LRMDA: variants seen among roughly 807,000 people sequenced by gnomAD.
LRMDA encodes leucine rich melanocyte differentiation associated, also known as leucine-rich melanocyte differentiation-associated protein.
LRMDA carries 18 observed loss-of-function variants against 29.8 expected under a neutral mutation model. The ratio of observed to expected loss-of-function variants is 0.60; its 90% CI spans 0.42 to 0.90. The LOEUF is 0.90. Ranked by LOEUF, LRMDA falls within the 40% of genes least tolerant of loss-of-function variation. The pLI, the probability that LRMDA is intolerant of heterozygous loss-of-function variation, is 0.00. For synonymous variants in LRMDA, 125 were observed against 109.4 expected (o/e 1.14, Z -0.89); for missense variants, 273 against 273.9 (o/e 1.00, Z 0.02).
chr10:76,083,286 C>A (rs1849076899), intron 5 of LRMDA, among the ~76,000 whole-genome samples: 1 of 152,138 alleles, frequency 6.6e-6, no homozygotes, highest in Admixed American at 6.5e-5. Flanking sequence ...ATCCCAGGAC[C>A]AGTCAAGACA....
chr10:75,608,110 G>GTATATATATATATATATATA (rs10605160), intron 2 of LRMDA, among the ~76,000 whole-genome samples: 3 of 101,336 alleles, frequency 3.0e-5, no homozygotes, highest in East Asian at 3.0e-4. Flanking sequence ...TGTAGTGTGT[G>GTATATATATATATATATATA]TATATATATA....
chr10:76,224,648 A>G (rs1343019187), intron 5 of LRMDA, among the ~76,000 whole-genome samples: 1 of 151,222 alleles, frequency 6.6e-6, no homozygotes, highest in East Asian at 2.0e-4. Context: ...AGAGCAATAA[A>G]ATAATAATGT....
At chr10:76,438,391 T>C (rs1394244091) in intron 6 of LRMDA, 1 of 152,238 alleles carries the variant, frequency 6.6e-6, no homozygotes, top group African/African-American at 2.4e-5. Context: ...GACAGAATTA[T>C]TTTTCATTTC....
intron 2 of LRMDA, among the ~76,000 whole-genome samples, chr10:75,568,655 G>C (rs1840401459): frequency 6.6e-6 from 1 of 152,172 alleles, no homozygotes; most frequent in Non-Finnish European, 1.5e-5. Flanking sequence ...GGGAGAAGTA[G>C]GATGAAAGGT....
chr10:75,716,891 A>C (rs1014289085), intron 2 of LRMDA, among the ~76,000 whole-genome samples: 9 of 152,162 alleles, frequency 5.9e-5, no homozygotes, highest in South Asian at 2.1e-4. Flanking sequence ...TGATATGAAA[A>C]ATGAGGGAGC....
At chr10:76,543,336 G>T (rs1337762955) in intron 6 of LRMDA, among the ~76,000 whole-genome samples, 25 of 133,578 alleles carry the variant, frequency 1.9e-4, no homozygotes, top group African/African-American at 7.4e-4. Context: ...GTGTGTGTGT[G>T]TGTGTGTGTG....
At chr10:76,471,135 A>C (rs1392360187) in intron 6 of LRMDA, among the ~76,000 whole-genome samples, 1 of 151,844 alleles carries the variant, frequency 6.6e-6, no homozygotes, top group Admixed American at 6.6e-5. Flanking sequence ...AAATGAAAAG[A>C]ATCAGAAATG....
chr10:75,844,327 G>A (rs762641252), intron 2 of LRMDA, among the ~76,000 whole-genome samples: 1 of 152,092 alleles, frequency 6.6e-6, no homozygotes. Flanking sequence ...GAGGACAGGC[G>A]AGAACTATTA....
chr10:75,669,976 G>A lies in LRMDA; in HGVS notation c.131+231482G>A, dbSNP rs1030973515. Among the ~76,000 whole-genome samples, 5 of 152,138 alleles carry A rather than the reference G, an allele frequency of 3.3e-5. No homozygotes were observed. In the East Asian group the frequency reaches 9.6e-4, roughly 29 times the overall value. On this transcript the variant is annotated intron_variant, in intron 2 of 6. Coordinates refer to ENST00000611255, the MANE Select transcript of LRMDA (RefSeq NM_001305581.2). ...CCCTTTTTTATAGCAACATAAAATA[G>A]AGCCAAAATTACATTCATTATTTTT...
chr10:76,529,477 C>T (rs1843211888), intron 6 of LRMDA, among the ~76,000 whole-genome samples: 1 of 152,084 alleles, frequency 6.6e-6, no homozygotes, highest in East Asian at 1.9e-4. Flanking sequence ...GAAATTTGCA[C>T]CCAAGTTATC....
intron 6 of LRMDA, among the ~76,000 whole-genome samples, chr10:76,505,349 C>A (rs953807215): frequency 6.6e-6 from 1 of 151,852 alleles, no homozygotes. Context: ...TGCATGCCAG[C>A]CTGTCTAGCA....
intron 2 of LRMDA, among the ~76,000 whole-genome samples, chr10:75,815,992 A>T (rs1258617868): frequency 1.3e-5 from 2 of 152,204 alleles, no homozygotes; most frequent in Non-Finnish European, 2.9e-5. Context: ...GAACCTAGGC[A>T]GTCTGGTAAA....
intron 5 of LRMDA, among the ~76,000 whole-genome samples, chr10:76,134,205 G>A (rs548892665): frequency 7.0e-4 from 107 of 152,356 alleles, no homozygotes; most frequent in African/African-American, 2.4e-3. Context: ...GTTTCTGAGA[G>A]AATTTCGGGG....
chr10:75,509,557 T>G (rs1845204455), intron 2 of LRMDA, among the ~76,000 whole-genome samples: 1 of 152,188 alleles, frequency 6.6e-6, no homozygotes, highest in South Asian at 2.1e-4. Flanking sequence ...TTTGCTGTAT[T>G]TCTTCCAGGC....
At chr10:75,939,567 G>C (rs1304450342) in intron 2 of LRMDA, among the ~76,000 whole-genome samples, 1 of 152,176 alleles carries the variant, frequency 6.6e-6, no homozygotes, top group African/African-American at 2.4e-5. Context: ...TCTTCCCTGA[G>C]TTCTCACTGG....
In LRMDA at chr10:76,367,740, G is replaced by A. The variant is rs551317989; in HGVS notation, c.601+43255G>A. On this transcript the variant is annotated intron_variant, in intron 6 of 6. Transcript: ENST00000611255. ...TGGGATTACAGGTGTGAGCCACCGC[G>A]CCTGGCTGGTAATTTTTAAATGACC... Among the ~76,000 whole-genome samples, 480 of 152,118 alleles carry A rather than the reference G, an allele frequency of 3.2e-3. 4 individuals carry two copies. The highest frequency in any genetic ancestry group is 0.011 in the African/African-American group (448 of 41,502).
At chr10:75,565,270 C>T (rs1840355470) in intron 2 of LRMDA, among the ~76,000 whole-genome samples, 1 of 152,156 alleles carries the variant, frequency 6.6e-6, no homozygotes. Flanking sequence ...ATGAAAGTTC[C>T]TTTAAGAATA....
chr10:76,400,819 T>C (rs1271435780), intron 6 of LRMDA, among the ~76,000 whole-genome samples: 1 of 152,192 alleles, frequency 6.6e-6, no homozygotes, highest in East Asian at 1.9e-4. Context: ...TTCTACCTCA[T>C]AGGGGACTGG....
intron 5 of LRMDA, among the ~76,000 whole-genome samples, chr10:76,323,854 C>CA (rs1336154747): frequency 6.6e-6 from 1 of 152,204 alleles, no homozygotes; most frequent in Non-Finnish European, 1.5e-5. Flanking sequence ...ACGTATTTCT[C>CA]ACTGCTGTTG....
Sources: allele counts gnomAD v4.1 joint callset (sites outside exome capture counted in the v4.1 genomes callset), GRCh38; gene constraint gnomAD v4.1.1; transcripts MANE v1.5; gene names NCBI Gene and HGNC (gene_info 2026-07-23, HGNC 2026-07-21).